The following AFG2A variants were observed in gnomAD, a reference collection of about 807,000 sequenced individuals.
AFG2A encodes AAA ATPase AFG2A.
the AFG2A span, among the ~76,000 whole-genome samples, chr4:123,084,495 A>G: frequency 1.3e-5 from 2 of 151,322 alleles, no homozygotes; most frequent in South Asian, 2.1e-4. Flanking sequence ...TTTTCTTTGC[A>G]TATTTATAGA....
chr4:123,060,208 G>A, the AFG2A span, among the ~76,000 whole-genome samples: 2 of 152,186 alleles, frequency 1.3e-5, no homozygotes, highest in African/African-American at 4.8e-5. Flanking sequence ...TGGTGCCACA[G>A]GCACATGGTG....
chr4:122,939,619 G>C, the AFG2A span, among the ~76,000 whole-genome samples: 2 of 151,610 alleles, frequency 1.3e-5, no homozygotes, highest in African/African-American at 4.8e-5. Context: ...ACATTAAAAA[G>C]CTGGTCATTT....
chr4:123,248,770 CA>C, the AFG2A span, among the ~76,000 whole-genome samples: 698 of 152,278 alleles, frequency 4.6e-3, 5 homozygotes, highest in Middle Eastern at 0.017. Context: ...CTTGACTTTT[CA>C]ATCTATTATT....
At chr4:123,164,414 A>T in the AFG2A span, among the ~76,000 whole-genome samples, 4 of 151,984 alleles carry the variant, frequency 2.6e-5, no homozygotes, top group Non-Finnish European at 5.9e-5. Context: ...CCCAGGCTGG[A>T]GTGCAGTGAC....
the AFG2A span, among the ~76,000 whole-genome samples, chr4:122,971,258 A>G: frequency 6.6e-6 from 1 of 152,016 alleles, no homozygotes; most frequent in African/African-American, 2.4e-5. Context: ...AATTTACAGA[A>G]TAGCTGAGCG....
chr4:122,939,544 T>C, the AFG2A span, among the ~76,000 whole-genome samples: 2 of 152,202 alleles, frequency 1.3e-5, no homozygotes, highest in Non-Finnish European at 2.9e-5. Flanking sequence ...GTAAAGTTTT[T>C]AGAATCATAA....
the AFG2A span, among the ~76,000 whole-genome samples, chr4:123,191,658 T>TTC: frequency 2.6e-5 from 4 of 152,124 alleles, no homozygotes; most frequent in Non-Finnish European, 5.9e-5. Context: ...GTCTTCATCT[T>TTC]TCTCTCTCTC....
chr4:123,055,021 AC>A, the AFG2A span, among the ~76,000 whole-genome samples: 4 of 151,848 alleles, frequency 2.6e-5, no homozygotes, highest in Non-Finnish European at 5.9e-5. Context: ...CTTTCATAAA[AC>A]CCTTCCTATT....
chr4:123,214,853 C>T, the AFG2A span, among the ~76,000 whole-genome samples: 1 of 151,968 alleles, frequency 6.6e-6, no homozygotes, highest in South Asian at 2.1e-4. Context: ...TATAAGAATA[C>T]AGTATATAAT....
At chr4:123,184,769 C>T in the AFG2A span, among the ~76,000 whole-genome samples, 2 of 151,704 alleles carry the variant, frequency 1.3e-5, no homozygotes, top group Non-Finnish European at 2.9e-5. Flanking sequence ...ATCTCCTGAC[C>T]TCGTGATCCG....
chr4:122,985,186 T>C, the AFG2A span, among the ~76,000 whole-genome samples: 121,676 of 150,068 alleles, frequency 0.81, 51,053 homozygotes, highest in East Asian at 0.96. Flanking sequence ...AGTGCAATGG[T>C]GCAATCTCGG....
the AFG2A span, among the ~76,000 whole-genome samples, chr4:123,088,999 C>G: frequency 1.3e-5 from 2 of 152,164 alleles, no homozygotes; most frequent in Non-Finnish European, 2.9e-5. Flanking sequence ...GAGTAGCTAC[C>G]TGCAAGAATT....
At chr4:123,070,218 C>T in the AFG2A span, among the ~76,000 whole-genome samples, 1 of 151,930 alleles carries the variant, frequency 6.6e-6, no homozygotes, top group African/African-American at 2.4e-5. Flanking sequence ...TTCATTATGC[C>T]AATTATAGTG....
the AFG2A span, among the ~76,000 whole-genome samples, chr4:122,970,124 A>G: frequency 9.2e-5 from 14 of 152,234 alleles, no homozygotes; most frequent in Non-Finnish European, 8.8e-5. Flanking sequence ...GCACATACTC[A>G]CTGACTTACC....
At chr4:123,222,428 T>G in the AFG2A span, among the ~76,000 whole-genome samples, 1 of 152,196 alleles carries the variant, frequency 6.6e-6, no homozygotes, top group East Asian at 1.9e-4. Context: ...AAAAATGTAC[T>G]TCTTAGCAAA....
the AFG2A span, among the ~76,000 whole-genome samples, chr4:123,312,002 C>T: frequency 6.6e-6 from 1 of 152,134 alleles, no homozygotes; most frequent in African/African-American, 2.4e-5. Context: ...TTTTGGTTAC[C>T]TCTTTTTTTC....
the AFG2A span, among the ~76,000 whole-genome samples, chr4:123,016,397 T>C: frequency 6.7e-6 from 1 of 149,970 alleles, no homozygotes; most frequent in East Asian, 2.0e-4. Context: ...GTCTCCTCAC[T>C]TCTCAGACAG....
At chr4:123,255,096 TGGG>T in the AFG2A span, among the ~76,000 whole-genome samples, 1 of 152,182 alleles carries the variant, frequency 6.6e-6, no homozygotes, top group Non-Finnish European at 1.5e-5. Context: ...CCTGAGTGGC[TGGG>T]ACTACAGGCA....
the AFG2A span, among the ~76,000 whole-genome samples, chr4:123,294,583 T>A: frequency 6.6e-6 from 1 of 152,152 alleles, no homozygotes; most frequent in African/African-American, 2.4e-5. Context: ...ATATTTCCAG[T>A]GTGTTGAAGC....
Sources: allele counts gnomAD v4.1 joint callset (sites outside exome capture counted in the v4.1 genomes callset), GRCh38; gene constraint gnomAD v4.1.1; transcripts MANE v1.5; gene names NCBI Gene and HGNC (gene_info 2026-07-23, HGNC 2026-07-21).